Variants in ARSF observed in about 807,000 individuals in gnomAD.
The protein encoded by ARSF is arylsulfatase F.
Under a neutral mutation model 35.4 loss-of-function variants are expected in ARSF, and 33 were observed. The ratio of observed to expected loss-of-function variants is 0.93; its 90% CI spans 0.71 to 1.25. ARSF has a LOEUF of 1.25. ARSF is among the 50% of genes most tolerant of loss of function. The probability of loss-of-function intolerance (pLI) is 0.00; values close to 1 mark genes in which losing one functional copy is unlikely to be tolerated. For missense variants in ARSF, 501 were observed against 480.2 expected (o/e 1.04, Z -0.40); for synonymous variants, 222 against 193.1 (o/e 1.15, Z -1.24).
intron 7 of ARSF, among the ~76,000 whole-genome samples, chrX:3,094,761 C>T (rs987528540): frequency 9.1e-6 from 1 of 109,658 alleles, no homozygotes; most frequent in African/African-American, 3.3e-5. Context: ...CTGGACAGGG[C>T]AGAACTGCAA....
chrX:3,102,743 C>T (rs2090385986), intron 8 of ARSF, among the ~76,000 whole-genome samples: 1 of 111,007 alleles, frequency 9.0e-6, no homozygotes, highest in African/African-American at 3.3e-5. Context: ...GAAACTCCAT[C>T]TCTACTAAAA....
rs1040622129 is a variant in ARSF at position 3,079,567 on chromosome X, C to T, written c.284-1324C>T. Among the ~76,000 whole-genome samples, 6 of 109,141 alleles carry T rather than the reference C, an allele frequency of 5.5e-5. No individual in the cohort carries two copies. In the Admixed American group the frequency reaches 5.9e-4, roughly 11 times the overall value. 94.8% of individuals were successfully genotyped at this position (109,141 alleles called of 115,157 possible). A position where few individuals can be genotyped will look rare whatever the true frequency, so the allele number is the denominator to read the frequency against. On this transcript the variant is annotated intron_variant, in intron 4 of 10. Transcript: ENST00000381127. ...CCATATTGGTCAGGCTGGTCTCGAA[C>T]TCCTGACTTCAGGTAATCCCCCTGC...
At chrX:3,050,282 G>C (rs1191492602) in intron 1 of ARSF, among the ~76,000 whole-genome samples, 2 of 110,924 alleles carry the variant, frequency 1.8e-5, no homozygotes, top group East Asian at 5.7e-4. Context: ...GGTGGCTCAA[G>C]CCTGTAATCC....
At chrX:3,090,678 G>A (rs970320252) in intron 7 of ARSF, among the ~76,000 whole-genome samples, 1 of 112,385 alleles carries the variant, frequency 8.9e-6, no homozygotes, top group Non-Finnish European at 1.9e-5. Context: ...ACTTATAAGT[G>A]AGAACATGCA....
At chrX:3,064,683 C>G (rs1360045334) in intron 1 of ARSF, among the ~76,000 whole-genome samples, 3 of 111,759 alleles carry the variant, frequency 2.7e-5, no homozygotes, top group Middle Eastern at 4.2e-3. Flanking sequence ...ATTTATGCAG[C>G]CAAAAGACAC....
At position 3,049,803 on chromosome X, in the gene ARSF, G is replaced by A. The variant is rs185340783; in HGVS notation, c.-29+8140G>A. 4.8e-3 allele frequency among the ~76,000 whole-genome samples: 540 copies of A among 111,432 alleles called. 3 individuals are homozygous for A. Among genetic ancestry groups the A allele is most frequent in the African/African-American group, 0.017 (507 of 30,711 alleles). On this transcript the variant is annotated intron_variant, in intron 1 of 10. Coordinates refer to ENST00000381127, the MANE Select transcript of ARSF (RefSeq NM_001201539.2). ...ACAAAAACAGGGAAGGGAAAAGTGA[G>A]TCAAAGGGCTCATGCCAGAAGGGTG...
At chrX:3,045,313 A>G (rs2089970177) in intron 1 of ARSF, among the ~76,000 whole-genome samples, 1 of 111,431 alleles carries the variant, frequency 9.0e-6, no homozygotes, top group East Asian at 2.8e-4. Context: ...GGTTGAGAGC[A>G]GAAGTTTAGT....
At chrX:3,111,970 G>A (rs755494817) in intron 10 of ARSF, among the ~76,000 whole-genome samples, 2 of 110,936 alleles carry the variant, frequency 1.8e-5, no homozygotes, top group Non-Finnish European at 3.8e-5. Context: ...CCAACGATAG[G>A]GAATGGCTGT....
chrX:3,076,416 C>T, intron 3 of ARSF, 132 bp from the exon 4 acceptor site: 1 of 727,588 alleles, frequency 1.4e-6, no homozygotes, highest in Non-Finnish European at 2.0e-6. Flanking sequence ...CTCTCCCTGT[C>T]TGTCTCTCCT....
intron 7 of ARSF, among the ~76,000 whole-genome samples, chrX:3,094,833 GAC>G (rs1342423806): frequency 2.7e-4 from 29 of 108,255 alleles, no homozygotes; most frequent in Admixed American, 2.0e-3. Flanking sequence ...AAATATTTGA[GAC>G]ACATATATAA....
At chrX:3,093,956 G>C (rs752903370) in intron 7 of ARSF, among the ~76,000 whole-genome samples, 1 of 111,593 alleles carries the variant, frequency 9.0e-6, no homozygotes, top group Non-Finnish European at 1.9e-5. Flanking sequence ...TGAGGTCTTT[G>C]TCATTGAAAG....
At chrX:3,042,715 C>A (rs1370443126) in intron 1 of ARSF, among the ~76,000 whole-genome samples, 1 of 110,147 alleles carries the variant, frequency 9.1e-6, no homozygotes, top group African/African-American at 3.3e-5. Context: ...CCAGGCTGGT[C>A]TCGAACTCCT....
chrX:3,095,042 G>A (rs747771721), intron 7 of ARSF, among the ~76,000 whole-genome samples: 184 of 108,411 alleles, frequency 1.7e-3, no homozygotes, highest in Non-Finnish European at 2.7e-3. Context: ...CTGCTACTTT[G>A]GAGGCTGATG....
chrX:3,095,692 A>G (rs2090333934), intron 7 of ARSF, among the ~76,000 whole-genome samples: 1 of 110,192 alleles, frequency 9.1e-6, no homozygotes, highest in African/African-American at 3.3e-5. Flanking sequence ...AATAAGTTAC[A>G]TAATGACAAA....
chrX:3,093,862 A>AT (rs1055581441), intron 7 of ARSF, among the ~76,000 whole-genome samples: 1 of 112,035 alleles, frequency 8.9e-6, no homozygotes, highest in African/African-American at 3.2e-5. Flanking sequence ...ACAATAGTAT[A>AT]TAAGTGTTGC....
intron 3 of ARSF, among the ~76,000 whole-genome samples, chrX:3,075,878 T>A (rs902179592): frequency 1.9e-5 from 1 of 52,419 alleles, no homozygotes; most frequent in Non-Finnish European, 3.6e-5. Context: ...CCTCTCTTCT[T>A]CTCTCTCTCC....
intron 1 of ARSF, among the ~76,000 whole-genome samples, chrX:3,054,108 A>G (rs2090008128): frequency 9.0e-6 from 1 of 111,348 alleles, no homozygotes; most frequent in Non-Finnish European, 1.9e-5. Context: ...TTCTCAAGAA[A>G]GAATGCCTGT....
intron 8 of ARSF, among the ~76,000 whole-genome samples, 163 bp from the exon 9 acceptor site, chrX:3,103,599 A>G (rs1481486810): frequency 1.8e-5 from 2 of 111,895 alleles, no homozygotes; most frequent in Non-Finnish European, 3.8e-5. Context: ...ACAGGAAAAT[A>G]TAATTCTGTA....
At position 3,081,811 on chromosome X, in the gene ARSF, T is replaced by C. The variant is rs1207353899; in HGVS notation, c.406+798T>C. Among the ~76,000 whole-genome samples the C allele has an allele frequency of 2.7e-5, 3 of 112,175 alleles. No homozygotes were observed. In the East Asian group the frequency reaches 8.4e-4, roughly 31 times the overall value. On this transcript the variant is annotated intron_variant, in intron 5 of 10. Coordinates refer to ENST00000381127, the MANE Select transcript of ARSF (RefSeq NM_001201539.2). ...ATTTTCTTCTCACTGCCAAGGATGA[T>C]AGAAGTCCTCAGCCACCCAGTAGTT...
Sources: allele counts gnomAD v4.1 joint callset (sites outside exome capture counted in the v4.1 genomes callset), GRCh38; gene constraint gnomAD v4.1.1; transcripts MANE v1.5; gene names NCBI Gene and HGNC (gene_info 2026-07-23, HGNC 2026-07-21).